GABRB3: variants seen among roughly 807,000 people sequenced by gnomAD.
GABRB3 encodes the protein gamma-aminobutyric acid type A receptor subunit beta3, also known as gamma-aminobutyric acid receptor subunit beta-3.
GABRB3 carries 14 observed loss-of-function variants against 52.1 expected under a neutral mutation model. The ratio of observed to expected loss-of-function variants is 0.27; its 90% CI spans 0.18 to 0.42. The LOEUF (loss-of-function observed/expected upper bound fraction) is 0.42, where lower values mean the gene tolerates loss of function less well. GABRB3 is among the 10% of genes least tolerant of loss of function. GABRB3 has a pLI of 1.00. For missense variants in GABRB3, 307 were observed against 609.1 expected (o/e 0.50, Z 5.22); for synonymous variants, 260 against 232.3 (o/e 1.12, Z -1.08).
chr15:26,712,883 C>T lies in GABRB3; in HGVS notation c.240+59519G>A, dbSNP rs1018882683. On this transcript the variant is annotated intron_variant, in intron 3 of 8. Transcript: ENST00000311550. ...TGTGCAGGGAAGCTTCAAGGAACCC[C>T]GCGGGCTGGGAAACCCAAAGCCAGC... Among the ~76,000 whole-genome samples, 120 of 152,238 alleles carry T rather than the reference C, an allele frequency of 7.9e-4. 1 individual carries two copies. Among genetic ancestry groups the T allele is most frequent in the African/African-American group, 2.7e-3 (114 of 41,544 alleles).
chr15:26,630,719 T>G (rs923102082), intron 3 of GABRB3, among the ~76,000 whole-genome samples: 4 of 152,196 alleles, frequency 2.6e-5, no homozygotes, highest in Admixed American at 6.5e-5. Flanking sequence ...TAAAGCCCTT[T>G]GATAATCTAA....
chr15:26,621,926 C>T lies in GABRB3; in HGVS notation c.241-392G>A, dbSNP rs1352937617. ...GGCAGACAGGTGCTTTAACAACCTACAACAGATGAGCTCTATCTACAAACT... is the reference window on the plus strand; with the variant it reads ...GGCAGACAGGTGCTTTAACAACCTATAACAGATGAGCTCTATCTACAAACT... On this transcript the variant is annotated intron_variant, in intron 3 of 8. Coordinates refer to ENST00000311550, the MANE Select transcript of GABRB3 (RefSeq NM_000814.6). The surrounding 1 kb of genome is among the most constrained non-coding windows in gnomAD (Gnocchi z 4.1). Among the ~76,000 whole-genome samples the T allele has an allele frequency of 2.0e-5, 3 of 147,404 alleles. No individual in the cohort carries two copies. Among genetic ancestry groups the T allele is most frequent in the South Asian group, 2.2e-4 (1 of 4,488 alleles).
At position 26,545,142 on chromosome 15, in the gene GABRB3, C is replaced by A. The variant is rs954039194; in HGVS notation, c.*2651G>T. The A allele has an allele frequency of 1.3e-5, 2 of 152,408 alleles. No individual in the cohort carries two copies. The highest frequency in any genetic ancestry group is 4.8e-5 in the African/African-American group (2 of 41,394). The allele number at this position is 152,408 out of a possible 1,614,324, so 9.4% of individuals were successfully genotyped here. ...TGAAATGGAGTAAAGCAAACACATA[C>A]CCAAGGATCTTAAAAAGTTTTTTTT... On this transcript the variant is annotated 3_prime_UTR_variant, in exon 9 of 9. Transcript: ENST00000311550.
intron 8 of GABRB3, among the ~76,000 whole-genome samples, chr15:26,552,429 CAG>C (rs1350384678): frequency 6.6e-6 from 1 of 152,182 alleles, no homozygotes; most frequent in African/African-American, 2.4e-5. Context: ...GTTTGGGAGA[CAG>C]AGTTTCTCAT....
At chr15:26,728,965 G>A (rs958634261) in intron 3 of GABRB3, among the ~76,000 whole-genome samples, 2 of 152,176 alleles carry the variant, frequency 1.3e-5, no homozygotes, top group African/African-American at 4.8e-5. Context: ...AAGAAGGTCC[G>A]GGTTTTGGTG....
At chr15:26,679,219 C>T (rs1447878139) in intron 3 of GABRB3, among the ~76,000 whole-genome samples, 3 of 152,158 alleles carry the variant, frequency 2.0e-5, no homozygotes, top group African/African-American at 7.2e-5. Flanking sequence ...GGGAAAGTCC[C>T]TCTGCCCTCT....
intron 3 of GABRB3, among the ~76,000 whole-genome samples, chr15:26,665,727 T>C (rs1316056762): frequency 1.3e-5 from 2 of 152,204 alleles, no homozygotes; most frequent in Admixed American, 6.5e-5. Flanking sequence ...ATCTTCAAAA[T>C]GGAAATGATA....
chr15:26,700,934 A>C (rs1888910315), intron 3 of GABRB3, among the ~76,000 whole-genome samples: 1 of 152,164 alleles, frequency 6.6e-6, no homozygotes, highest in Non-Finnish European at 1.5e-5. Flanking sequence ...GGGTGCCTGT[A>C]GTCCCAGCTA....
intron 3 of GABRB3, among the ~76,000 whole-genome samples, chr15:26,769,882 A>G (rs894076525): frequency 1.3e-5 from 2 of 152,172 alleles, no homozygotes; most frequent in African/African-American, 4.8e-5. Context: ...AACACACTTA[A>G]AGTGAGACCA....
intron 4 of GABRB3, among the ~76,000 whole-genome samples, chr15:26,607,925 C>A (rs896260594): frequency 4.6e-5 from 7 of 151,964 alleles, no homozygotes; most frequent in African/African-American, 1.7e-4. Context: ...TAATCCCTAT[C>A]AAAATTCTGA....
intron 3 of GABRB3, among the ~76,000 whole-genome samples, chr15:26,650,238 G>GT (rs1331716375): frequency 6.6e-6 from 1 of 152,176 alleles, no homozygotes. Flanking sequence ...AGAAAGATGA[G>GT]TATTGGGTTA....
At chr15:26,708,707 T>C (rs1889188917) in intron 3 of GABRB3, among the ~76,000 whole-genome samples, 1 of 152,180 alleles carries the variant, frequency 6.6e-6, no homozygotes, top group South Asian at 2.1e-4. Flanking sequence ...GCACGCCACA[T>C]CCATGGGCAT....
chr15:26,627,452 T>C (rs752942812), intron 3 of GABRB3, among the ~76,000 whole-genome samples: 4 of 149,546 alleles, frequency 2.7e-5, no homozygotes, highest in African/African-American at 4.9e-5. Context: ...CAAAGTAAAC[T>C]GAAAACATTC....
chr15:26,628,700 A>G (rs1471156560), intron 3 of GABRB3, among the ~76,000 whole-genome samples: 1 of 131,608 alleles, frequency 7.6e-6, no homozygotes, highest in Non-Finnish European at 1.8e-5. Context: ...CAAAAAAACA[A>G]AACAAAACAA....
chr15:26,570,459 A>G (rs1890353691), intron 6 of GABRB3, among the ~76,000 whole-genome samples: 1 of 152,226 alleles, frequency 6.6e-6, no homozygotes, highest in Non-Finnish European at 1.5e-5. Context: ...CATTTGGGAA[A>G]CATGGAAATG....
chr15:26,626,162 G>T (rs1276834516), intron 3 of GABRB3, among the ~76,000 whole-genome samples: 1 of 152,110 alleles, frequency 6.6e-6, no homozygotes, highest in Non-Finnish European at 1.5e-5. Flanking sequence ...CCTATAATCA[G>T]TGATATTTGA....
intron 6 of GABRB3, among the ~76,000 whole-genome samples, chr15:26,571,224 C>G (rs150316248): frequency 8.4e-5 from 1 of 11,868 alleles, no homozygotes; most frequent in African/African-American, 9.6e-5. Flanking sequence ...ATACATGGAA[C>G]AGTCTGCATC....
At chr15:26,606,788 C>CGATAGATAGATCTATCGATAGATAGA (rs369220407) in intron 4 of GABRB3, among the ~76,000 whole-genome samples, 1 of 115,212 alleles carries the variant, frequency 8.7e-6, no homozygotes, top group Non-Finnish European at 2.1e-5. Flanking sequence ...ATAGATATAT[C>CGATAGATAGATCTATCGATAGATAGA]TATAGATAGA....
At chr15:26,773,549 G>C, upstream of GABRB3, 1 of 966,768 alleles carries the variant, frequency 1.0e-6, no homozygotes, top group Non-Finnish European at 1.5e-6. Context: ...CTGCAGCGCA[G>C]CCCGAGAGCC....
Sources: allele counts gnomAD v4.1 joint callset (sites outside exome capture counted in the v4.1 genomes callset), GRCh38; gene constraint gnomAD v4.1.1; non-coding constraint Gnocchi (gnomAD v3.1); transcripts MANE v1.5; gene names NCBI Gene and HGNC (gene_info 2026-07-23, HGNC 2026-07-21).